The following PDSS2 variants were observed in gnomAD, a reference collection of about 807,000 sequenced individuals.
PDSS2 encodes the protein decaprenyl diphosphate synthase subunit 2, also known as all trans-polyprenyl-diphosphate synthase PDSS2.
PDSS2 carries 31 observed loss-of-function variants against 44.5 expected under a neutral mutation model. The observed-to-expected ratio is 0.70, with a 90% CI of 0.52 to 0.94. PDSS2 has a LOEUF of 0.94. PDSS2 is among the 40% of genes least tolerant of loss of function. The pLI, the probability that PDSS2 is intolerant of heterozygous loss-of-function variation, is 0.00. For synonymous variants in PDSS2, 157 were observed against 180.3 expected, an observed-to-expected ratio of 0.87 and a Z score of 1.03; for missense variants, 452 against 482.2, an observed-to-expected ratio of 0.94 and a Z score of 0.59.
At chr6:107,187,537 T>G (rs1454855292) in intron 7 of PDSS2, among the ~76,000 whole-genome samples, 1 of 151,988 alleles carries the variant, frequency 6.6e-6, no homozygotes, top group African/African-American at 2.4e-5. Flanking sequence ...TGGTGGCGCA[T>G]GCCTATAATC....
intron 1 of PDSS2, among the ~76,000 whole-genome samples, chr6:107,453,756 C>A (rs565137313): frequency 6.6e-6 from 1 of 152,096 alleles, no homozygotes; most frequent in Non-Finnish European, 1.5e-5. Flanking sequence ...AAGGTCTTCC[C>A]CATACCTAGT....
chr6:107,283,304 C>T (rs1226262942), intron 2 of PDSS2, among the ~76,000 whole-genome samples: 6 of 151,094 alleles, frequency 4.0e-5, no homozygotes, highest in East Asian at 3.9e-4. Context: ...CCAGCCTGGG[C>T]GACAGAGTGA....
At chr6:107,225,130 T>G (rs1309727466) in intron 4 of PDSS2, among the ~76,000 whole-genome samples, 1 of 57,906 alleles carries the variant, frequency 1.7e-5, no homozygotes, top group Non-Finnish European at 2.7e-5. Flanking sequence ...TCACTATATA[T>G]ATATTTTTAT....
chr6:107,332,960 T>C (rs1777759156), intron 2 of PDSS2, among the ~76,000 whole-genome samples: 1 of 152,186 alleles, frequency 6.6e-6, no homozygotes, highest in African/African-American at 2.4e-5. Flanking sequence ...GCATTTGTAG[T>C]CACAACAGTA....
chr6:107,427,503 T>C (rs1781043991), intron 1 of PDSS2, among the ~76,000 whole-genome samples: 1 of 152,246 alleles, frequency 6.6e-6, no homozygotes, highest in African/African-American at 2.4e-5. Context: ...TTTTTACCAA[T>C]CATGAATTCT....
chr6:107,216,392 G>A (rs985646999), intron 4 of PDSS2, among the ~76,000 whole-genome samples: 32 of 151,988 alleles, frequency 2.1e-4, no homozygotes, highest in African/African-American at 7.5e-4. Flanking sequence ...AGGATCACTC[G>A]AACCAGGGAG....
At chr6:107,417,023 G>A (rs183664834) in intron 1 of PDSS2, among the ~76,000 whole-genome samples, 1 of 152,144 alleles carries the variant, frequency 6.6e-6, no homozygotes, top group Non-Finnish European at 1.5e-5. Flanking sequence ...GAGCCCAGAA[G>A]TTTGAGGCCA....
intron 1 of PDSS2, among the ~76,000 whole-genome samples, chr6:107,387,949 T>C (rs997777462): frequency 7.9e-5 from 12 of 152,274 alleles, no homozygotes; most frequent in East Asian, 1.9e-4. Flanking sequence ...CTCAAAGAGA[T>C]TGGCATGCAT....
intron 2 of PDSS2, among the ~76,000 whole-genome samples, chr6:107,318,213 T>C (rs1031739731): frequency 6.6e-6 from 1 of 152,020 alleles, no homozygotes; most frequent in African/African-American, 2.4e-5. Flanking sequence ...ATGAAGTATA[T>C]ACTGGCTAAT....
chr6:107,192,246 G>A, intron 7 of PDSS2: 1 of 376,456 alleles, frequency 2.7e-6, no homozygotes, highest in Non-Finnish European at 5.0e-6. Context: ...TTGGTTTACA[G>A]GTGCTCCTAT....
rs60758453 is a variant in PDSS2, at chr6:107,458,412, C to CAAAAAAAAAAAAAAAAAAAA, written c.296+558_296+577dup. On this transcript the variant is annotated intron_variant, in intron 1 of 7. Coordinates refer to ENST00000369037, the MANE Select transcript of PDSS2 (RefSeq NM_020381.4). ...TGGGCGACAAAGCGAGACTCCGTCT[C>CAAAAAAAAAAAAAAAAAAAA]AAAAAAAAAAAAAAAAAAAACTTTT... is the stretch of plus-strand genomic sequence containing the variant. 1.7e-3 allele frequency among the ~76,000 whole-genome samples: 130 copies of CAAAAAAAAAAAAAAAAAAAA among 78,100 alleles called. 20 individuals carry two copies. The highest frequency in any genetic ancestry group is 0.016 in the Middle Eastern group (1 of 64). 51.2% of individuals were successfully genotyped at this position (78,100 alleles called of 152,430 possible). A position where few individuals can be genotyped will look rare whatever the true frequency, so the allele number is the denominator to read the frequency against.
intron 2 of PDSS2, among the ~76,000 whole-genome samples, chr6:107,325,476 T>G (rs1446885647): frequency 6.6e-6 from 1 of 152,222 alleles, no homozygotes; most frequent in African/African-American, 2.4e-5. Flanking sequence ...AAGAAATTGA[T>G]GGTGTCCATT....
chr6:107,156,739 C>A (rs1770912490), intron 7 of PDSS2, among the ~76,000 whole-genome samples: 2 of 152,206 alleles, frequency 1.3e-5, no homozygotes, highest in Non-Finnish European at 2.9e-5. Flanking sequence ...CCAGCCCACA[C>A]TGGAGATGCT....
Position 107,336,256 on chromosome 6 carries a change from A to AG in PDSS2, c.297-1925dup, listed in dbSNP as rs1280651267. ...GGGTGACAGAGCGAGATTCCGTCTC[A>AG]GAAAAAAAAAAAAAAAAAAAGGAAA... On this transcript the variant is annotated intron_variant, in intron 1 of 7. Transcript: ENST00000369037. Among the ~76,000 whole-genome samples, 41 of 141,134 alleles carry AG rather than the reference A, an allele frequency of 2.9e-4. 1 individual carries two copies. The South Asian group carries it at 3.5e-3, about 12-fold the overall frequency. The allele number at this position is 141,134 out of a possible 152,430, so 92.6% of individuals were successfully genotyped here.
At chr6:107,344,283 A>T (rs1409715029) in intron 1 of PDSS2, among the ~76,000 whole-genome samples, 8 of 152,216 alleles carry the variant, frequency 5.3e-5, no homozygotes, top group Admixed American at 4.6e-4. Context: ...TTTTTAAAGA[A>T]TTGTAATTTT....
intron 1 of PDSS2, among the ~76,000 whole-genome samples, chr6:107,377,910 T>C (rs1168053968): frequency 6.6e-6 from 1 of 151,794 alleles, no homozygotes; most frequent in African/African-American, 2.4e-5. Context: ...GGGGGAGGGA[T>C]AGCATTAGGA....
intron 1 of PDSS2, among the ~76,000 whole-genome samples, chr6:107,448,189 A>G (rs1781749618): frequency 1.3e-5 from 2 of 152,110 alleles, no homozygotes; most frequent in South Asian, 4.1e-4. Context: ...TCCTGGAGAC[A>G]TTTTCCCCAT....
At chr6:107,262,299 T>C (rs1458768388) in intron 3 of PDSS2, among the ~76,000 whole-genome samples, 1 of 152,132 alleles carries the variant, frequency 6.6e-6, no homozygotes, top group African/African-American at 2.4e-5. Flanking sequence ...CTAAAGTGTA[T>C]ATACATCCTC....
chr6:107,342,974 T>C (rs1158249931), intron 1 of PDSS2, among the ~76,000 whole-genome samples: 1 of 152,126 alleles, frequency 6.6e-6, no homozygotes, highest in Non-Finnish European at 1.5e-5. Context: ...TACGATTTTA[T>C]TTTTATTTTT....
Sources: gnomAD v4.1 joint callset for allele counts (sites outside exome capture counted in the v4.1 genomes callset) on GRCh38, gnomAD v4.1.1 for gene constraint, MANE v1.5 for transcripts, NCBI Gene and HGNC (gene_info 2026-07-23, HGNC 2026-07-21) for gene names.